The following DNAH5 variants were observed in gnomAD, a reference collection of about 807,000 sequenced individuals.
The protein encoded by DNAH5 is axonemal beta dynein heavy chain 5.
DNAH5 carries 372 observed loss-of-function variants against 518.2 expected under a neutral mutation model. The ratio of observed to expected loss-of-function variants is 0.72; its 90% CI spans 0.66 to 0.78. DNAH5 has a LOEUF of 0.78. Among genes scored for constraint, DNAH5 ranks in the 30% least tolerant of loss-of-function variants. The pLI is 0.00. For missense variants in DNAH5, 5,523 were observed against 5,687.0 expected (o/e 0.97, Z 0.93); for synonymous variants, 2,039 against 2,025.9 (o/e 1.01, Z -0.17).
intron 24 of DNAH5, among the ~76,000 whole-genome samples, chr5:13,869,221 G>A (rs1313907317): frequency 6.6e-6 from 1 of 152,164 alleles, no homozygotes; most frequent in East Asian, 1.9e-4. Flanking sequence ...ATTCAAACAG[G>A]GATGCAGAAA....
At chr5:13,743,384 C>T (rs1410475524) in intron 65 of DNAH5, among the ~76,000 whole-genome samples, 1 of 151,722 alleles carries the variant, frequency 6.6e-6, no homozygotes, top group African/African-American at 2.4e-5. Context: ...TAGAAGAAAA[C>T]ATAAAGGAAA....
rs754874486 is a variant in DNAH5 at position 13,735,228 on chromosome 5, G to A, written c.11664C>T (p.Tyr3888=). ...EVYKYAARGL[Y]EEHKFLFTLL... is the part of the protein sequence containing the mutation. ...AGGTGAACAGGAATTTGTGCTCCTC[G>A]TACAGCCCTCGGGCAGCATACTTAT... The change falls in exon 68 of 79, where the codon TAC becomes TAT. Residue 3888 remains tyrosine (Y), a synonymous_variant. Coordinates refer to ENST00000265104, the MANE Select transcript of DNAH5 (RefSeq NM_001369.3). 1.1e-5 allele frequency: 18 copies of A among 1,613,884 alleles called. No homozygotes were observed. The highest frequency in any genetic ancestry group is 1.6e-4 in the Middle Eastern group (1 of 6,084).
At chr5:13,839,013 C>G (rs943070721) in intron 35 of DNAH5, among the ~76,000 whole-genome samples, 2 of 151,512 alleles carry the variant, frequency 1.3e-5, no homozygotes, top group Middle Eastern at 3.4e-3. Flanking sequence ...TCTTAATTGT[C>G]TCCCAGTAAG....
intron 58 of DNAH5, among the ~76,000 whole-genome samples, 188 bp downstream of exon 58, chr5:13,768,772 T>C (rs887416151): frequency 1.3e-5 from 2 of 152,228 alleles, no homozygotes; most frequent in Non-Finnish European, 2.9e-5. Context: ...TGTGAGATGT[T>C]AAGCAGAACA....
chr5:13,968,161 T>C lies in DNAH5; in HGVS notation c.13-36917A>G, dbSNP rs145662739. ...GTTGGTGTATAGCAGTACTACTGATTTGTGTTTTGAAGTTCTGCTGAACTC... is the reference window on the plus strand; with the variant it reads ...GTTGGTGTATAGCAGTACTACTGATCTGTGTTTTGAAGTTCTGCTGAACTC... On this transcript the variant is annotated intron_variant, in intron 1 of 78. Coordinates refer to the DNAH5 transcript ENST00000681290. Among the ~76,000 whole-genome samples, 81 of 152,330 alleles carry C rather than the reference T, an allele frequency of 5.3e-4. 2 individuals are homozygous for C. Among genetic ancestry groups the C allele is most frequent in the African/African-American group, 1.7e-3 (72 of 41,576 alleles).
Position 13,886,060 on chromosome 5 carries a change from G to A in DNAH5, c.2647C>T (p.Leu883Phe). ...TCCACATCCAGCAACATATTTACAA[G>A]CTCATTGACTGCCTCCTCCACTAAT... ...SSLVEEAVNE[L>F]VNMLLDVEVL... Residue 883 changes from leucine to phenylalanine, a missense_variant, in exon 18 of 79, where the codon CTT becomes TTT. By Grantham distance (22) the Leu-to-Phe change is conservative. Coordinates refer to ENST00000265104, the MANE Select transcript of DNAH5 (RefSeq NM_001369.3). 1.9e-6 allele frequency: 3 copies of A among 1,608,258 alleles called. No individual in the cohort carries two copies. Among genetic ancestry groups the A allele is most frequent in the Non-Finnish European group, 2.5e-6 (3 of 1,179,404 alleles).
intron 1 of DNAH5, among the ~76,000 whole-genome samples, chr5:14,001,745 A>G (rs1055509428): frequency 2.0e-5 from 3 of 151,744 alleles, no homozygotes; most frequent in African/African-American, 7.3e-5. Context: ...ATTTGAAGCA[A>G]AAGAGAAGCT....
chr5:13,774,627 C>T (rs1384607185), intron 55 of DNAH5, among the ~76,000 whole-genome samples: 1 of 152,052 alleles, frequency 6.6e-6, no homozygotes, highest in East Asian at 1.9e-4. Flanking sequence ...TCAATATGTA[C>T]GTTCCGAATA....
At position 13,870,856 on chromosome 5, in the gene DNAH5, C is replaced by T. The variant is rs140471516; in HGVS notation, c.3745G>A (p.Asp1249Asn). Residue 1249 changes from aspartate to asparagine, a missense_variant, in exon 24 of 79, where the codon GAC (aspartate) becomes AAC (asparagine). By Grantham distance (23) the Asp-to-Asn change is conservative (BLOSUM62 1). Coordinates refer to ENST00000265104, the MANE Select transcript of DNAH5 (RefSeq NM_001369.3). ...ATTGCAATCCGAATATCATCTAGGT[C>T]CTTAATTGGACGATTTAGTTTCTTA... ...FNKKLNRPIKDLDDIRIAMAA... is the reference protein window; with the variant it reads ...FNKKLNRPIKNLDDIRIAMAA... The T allele has an allele frequency of 8.0e-5, 129 of 1,613,656 alleles. No individual in the cohort carries two copies. The highest frequency in any genetic ancestry group is 7.6e-5 in the Non-Finnish European group (90 of 1,179,840).
At chr5:13,820,593 G>A in intron 40 of DNAH5, 94 bp from the exon 41 acceptor site, 1 of 1,437,568 alleles carries the variant, frequency 7.0e-7, no homozygotes, top group Non-Finnish European at 9.7e-7. Flanking sequence ...GGGAGGCCGA[G>A]GCGGGCAGAT....
In DNAH5 at chr5:13,700,756, T is replaced by C. The variant is rs776743021; in HGVS notation, c.13607A>G (p.Tyr4536Cys). 25 of 1,614,154 alleles carry C rather than the reference T, an allele frequency of 1.5e-5. No homozygotes were observed. Among genetic ancestry groups the C allele is most frequent in the Non-Finnish European group, 2.0e-5 (24 of 1,179,994 alleles). The part of the protein sequence containing the change: ...SAPPTEGVYV[Y>C]GLYLEGAGWD... The stretch of plus-strand genomic sequence containing the variant: ...GCCAGCACCTTCAAGATATAAGCCA[T>C]AGACATAGACACCCTCTGTGGGAGG... Residue 4536 changes from tyrosine to cysteine, a missense_variant, in exon 78 of 79, where the codon TAT becomes TGT. Tyr to Cys is a radical substitution (Grantham distance 194, BLOSUM62 -2). Transcript: ENST00000265104.
chr5:13,809,112 T>C lies in DNAH5; in HGVS notation c.7684A>G (p.Ile2562Val). 2.5e-6 allele frequency: 4 copies of C among 1,614,204 alleles called. No individual in the cohort carries two copies. The highest frequency in any genetic ancestry group is 3.4e-6 in the Non-Finnish European group (4 of 1,180,028). Reference protein sequence around the residue: ...PSDTTPEYGSILVPNVDNVRT... With the variant: ...PSDTTPEYGSVLVPNVDNVRT... ...ACATTGTCAACATTTGGCACCAGAA[T>C]AGAACCATACTCTGGGGTGGTATCA... Residue 2562 changes from isoleucine to valine, a missense_variant, in exon 46 of 79, where the codon ATT becomes GTT. Around this residue, in one of 3 missense-constraint regions of DNAH5, gnomAD observed 5,121 missense variants for 5,223.3 expected, o/e 0.98. Coordinates refer to ENST00000265104, the MANE Select transcript of DNAH5 (RefSeq NM_001369.3).
chr5:13,801,186 G>T (rs1317201725), intron 47 of DNAH5, among the ~76,000 whole-genome samples: 1 of 152,072 alleles, frequency 6.6e-6, no homozygotes, highest in East Asian at 1.9e-4. Flanking sequence ...CATGGAGGTG[G>T]TTTCTAACGG....
chr5:13,824,379 C>T (rs759806500), intron 38 of DNAH5, 46 bp from the exon 39 acceptor site: 1 of 1,575,578 alleles, frequency 6.3e-7, no homozygotes, highest in Non-Finnish European at 8.7e-7. Context: ...CATTAAAATA[C>T]TTGCAGAAGC....
At chr5:13,758,391 A>C (rs1751304683) in intron 61 of DNAH5, among the ~76,000 whole-genome samples, 1 of 152,128 alleles carries the variant, frequency 6.6e-6, no homozygotes, top group African/African-American at 2.4e-5. Flanking sequence ...GCTACTTGGG[A>C]GGCTGAGGTG....
At chr5:13,762,929 C>T (rs766089563) in intron 59 of DNAH5, 28 bp from the exon 60 acceptor site, 39 of 1,589,964 alleles carry the variant, frequency 2.5e-5, no homozygotes, top group Non-Finnish European at 3.1e-5. Context: ...AAAATAAAGT[C>T]GAAACACTTC....
Position 13,882,955 on chromosome 5 carries a change from G to C in DNAH5, c.3123C>G (p.Ile1041Met), listed in dbSNP as rs1021913608. Residue 1041 changes from isoleucine (I) to methionine (M), a missense_variant, in exon 20 of 79, where the codon ATC becomes ATG. Physicochemically the swap from Ile to Met is conservative, Grantham distance 10 (BLOSUM62 1). Around this residue, in one of 3 missense-constraint regions of DNAH5, gnomAD observed 5,121 missense variants for 5,223.3 expected, o/e 0.98. Coordinates refer to ENST00000265104, the MANE Select transcript of DNAH5 (RefSeq NM_001369.3). Reference sequence around the variant, plus strand: ...GTCTGACCCCCTTAGGGACACTGATGATGCACTCCACGGCTTTGTTCAGGG... The same window carrying C: ...GTCTGACCCCCTTAGGGACACTGATCATGCACTCCACGGCTTTGTTCAGGG... ...QQTLNKAVEC[I>M]ISVPKGVRQW... is the part of the protein sequence containing the mutation. 4.3e-6 allele frequency: 7 copies of C among 1,614,190 alleles called. No homozygotes were observed. Among genetic ancestry groups the C allele is most frequent in the Non-Finnish European group, 3.4e-6 (4 of 1,180,022 alleles).
intron 50 of DNAH5, among the ~76,000 whole-genome samples, chr5:13,789,170 C>T (rs1476965616): frequency 2.0e-5 from 3 of 152,096 alleles, no homozygotes; most frequent in African/African-American, 7.2e-5. Flanking sequence ...TTGCTCTGAC[C>T]AATCAACAAA....
At chr5:13,851,647 T>G (rs1001174195) in intron 30 of DNAH5, among the ~76,000 whole-genome samples, 1 of 152,068 alleles carries the variant, frequency 6.6e-6, no homozygotes, top group African/African-American at 2.4e-5. Flanking sequence ...TTTCTGTATG[T>G]CACCAATGAG....
Sources: gnomAD v4.1 joint callset for allele counts (sites outside exome capture counted in the v4.1 genomes callset) on GRCh38, gnomAD v4.1.1 for gene constraint, gnomAD v4.1.1 regional missense constraint, MANE v1.5 for transcripts, NCBI Gene and HGNC (gene_info 2026-07-23, HGNC 2026-07-21) for gene names.